The following ASIC2 variants were observed in gnomAD, a reference collection of about 807,000 sequenced individuals.
The protein encoded by ASIC2 is acid sensing ion channel subunit 2.
Under a neutral mutation model 57.3 loss-of-function variants are expected in ASIC2, and 25 were observed. The ratio of observed to expected loss-of-function variants is 0.44; its 90% CI spans 0.32 to 0.61. The LOEUF (loss-of-function observed/expected upper bound fraction) is 0.61. ASIC2 is among the 20% of genes least tolerant of loss of function. The probability of loss-of-function intolerance (pLI) is 0.06; values close to 1 mark genes in which losing one functional copy is unlikely to be tolerated. For missense variants in ASIC2, 641 were observed against 738.1 expected, an observed-to-expected ratio of 0.87 and a Z score of 1.52; for synonymous variants, 319 against 307.5, an observed-to-expected ratio of 1.04 and a Z score of -0.39.
intron 1 of ASIC2, among the ~76,000 whole-genome samples, chr17:33,958,896 C>T (rs1904830284): frequency 6.6e-6 from 1 of 152,170 alleles, no homozygotes; most frequent in Non-Finnish European, 1.5e-5. Flanking sequence ...CTCTCCAGTG[C>T]TTTGCTGCTT....
At position 34,132,371 on chromosome 17, in the gene ASIC2, G is replaced by A. The variant is rs561306141; in HGVS notation, c.555+23607C>T. 2.6e-5 allele frequency among the ~76,000 whole-genome samples: 4 copies of A among 152,306 alleles called. No individual in the cohort carries two copies. The East Asian group carries it at 5.8e-4, about 22-fold the overall frequency. On this transcript the variant is annotated intron_variant, in intron 1 of 9. Coordinates refer to the ASIC2 transcript ENST00000359872. ...AAAGCTTCCACAGCGTGGAAGGACA[G>A]GTAGACGGGTTGCGGCTGCTGGCTG...
At chr17:33,210,458 T>C (rs759101058) in intron 1 of ASIC2, among the ~76,000 whole-genome samples, 3 of 152,176 alleles carry the variant, frequency 2.0e-5, no homozygotes, top group Non-Finnish European at 4.4e-5. Flanking sequence ...AAACTCTCCA[T>C]CTGCACTCTC....
intron 1 of ASIC2, among the ~76,000 whole-genome samples, chr17:33,784,692 C>T (rs1911552539): frequency 6.6e-6 from 1 of 152,068 alleles, no homozygotes; most frequent in Non-Finnish European, 1.5e-5. Context: ...AGTCCAAAAT[C>T]TGGTTTGTAT....
At chr17:34,087,869 G>C (rs986042774) in intron 1 of ASIC2, among the ~76,000 whole-genome samples, 11 of 152,030 alleles carry the variant, frequency 7.2e-5, no homozygotes, top group Admixed American at 2.0e-4. Context: ...CATAGTTCTC[G>C]AGCCTTGGCT....
intron 1 of ASIC2, chr17:33,680,852 T>G (rs1907978764): frequency 6.6e-6 from 1 of 152,234 alleles, no homozygotes; most frequent in Admixed American, 6.5e-5. Flanking sequence ...TTGGTTGCAT[T>G]TTCTCCTTCT....
rs548706301 is a variant in ASIC2 at position 33,078,705 on chromosome 17, A to C, written c.987+10158T>G. Among the ~76,000 whole-genome samples, 5 of 152,266 alleles carry C rather than the reference A, an allele frequency of 3.3e-5. No individual in the cohort carries two copies. The East Asian group carries it at 9.6e-4, about 29-fold the overall frequency. On this transcript the variant is annotated intron_variant, in intron 3 of 9. Coordinates refer to ENST00000225823, the MANE Select transcript of ASIC2 (RefSeq NM_183377.2). ...AGCTTCCCAAAGTGCTAGGATTATA[A>C]GTATGAGCCACCACACCCAGCCAGC...
intron 1 of ASIC2, among the ~76,000 whole-genome samples, chr17:33,798,196 G>A (rs1720567118): frequency 6.6e-6 from 1 of 152,176 alleles, no homozygotes; most frequent in Non-Finnish European, 1.5e-5. Flanking sequence ...AATTGAAAAG[G>A]GCAAGAAAGT....
intron 1 of ASIC2, among the ~76,000 whole-genome samples, chr17:33,856,052 GA>G (rs1680527433): frequency 6.6e-6 from 1 of 152,042 alleles, no homozygotes; most frequent in Non-Finnish European, 1.5e-5. Context: ...GAGGAAGAGA[GA>G]AAAAAGTAAG....
chr17:33,050,758 T>C (rs933649106), intron 3 of ASIC2, among the ~76,000 whole-genome samples: 2 of 152,064 alleles, frequency 1.3e-5, no homozygotes, highest in African/African-American at 4.8e-5. Context: ...TTGAGATTGT[T>C]CCATGGACCA....
chr17:33,551,468 C>T (rs1426061658), intron 1 of ASIC2, among the ~76,000 whole-genome samples: 3 of 152,184 alleles, frequency 2.0e-5, no homozygotes, highest in Non-Finnish European at 4.4e-5. Context: ...CAAAAAACTG[C>T]TACCTTCGTC....
intron 1 of ASIC2, among the ~76,000 whole-genome samples, chr17:33,260,053 G>A (rs1206201579): frequency 6.6e-6 from 1 of 152,200 alleles, no homozygotes; most frequent in Non-Finnish European, 1.5e-5. Context: ...TAGGAGGATT[G>A]CTTGAGCCCA....
At chr17:33,334,294 G>C (rs1171380725) in intron 1 of ASIC2, among the ~76,000 whole-genome samples, 1 of 152,160 alleles carries the variant, frequency 6.6e-6, no homozygotes, top group Non-Finnish European at 1.5e-5. Context: ...TGAAACTGAG[G>C]CTCAGAGAGG....
At chr17:33,290,261 C>T in intron 1 of ASIC2, among the ~76,000 whole-genome samples, 1 of 152,236 alleles carries the variant, frequency 6.6e-6, no homozygotes, top group Non-Finnish European at 1.5e-5. Flanking sequence ...GGAACCGTGG[C>T]ATCTCTTTAC....
chr17:33,026,909 T>C (rs2091861501), intron 4 of ASIC2, among the ~76,000 whole-genome samples: 1 of 152,206 alleles, frequency 6.6e-6, no homozygotes. Context: ...TTAAATGACA[T>C]GTTTCCCTGT....
chr17:33,839,562 G>A (rs868410688), intron 1 of ASIC2, among the ~76,000 whole-genome samples: 15 of 152,060 alleles, frequency 9.9e-5, no homozygotes, highest in East Asian at 3.8e-4. Context: ...TTGATTGCTC[G>A]CTCTAGGGTG....
At chr17:34,059,455 G>A (rs1220723221) in intron 1 of ASIC2, among the ~76,000 whole-genome samples, 2 of 152,216 alleles carry the variant, frequency 1.3e-5, no homozygotes, top group African/African-American at 4.8e-5. Context: ...CTCTAGCTGA[G>A]CTTTTTAACA....
At position 33,896,602 on chromosome 17, in the gene ASIC2, C is replaced by T. The variant is rs540213865; in HGVS notation, c.555+259376G>A. Among the ~76,000 whole-genome samples the T allele has an allele frequency of 2.0e-3, 304 of 152,334 alleles. 2 individuals are homozygous for T. Among genetic ancestry groups the T allele is most frequent in the South Asian group, 0.018 (87 of 4,824 alleles). On this transcript the variant is annotated intron_variant, in intron 1 of 9. Transcript: ENST00000359872. ...AGGATGCATTAGCCCAATGGCCTGG[C>T]TCCTATCGGGGGCTGTCTGTAGCTT...
At chr17:33,443,010 T>G (rs1349868030) in intron 1 of ASIC2, among the ~76,000 whole-genome samples, 2 of 152,246 alleles carry the variant, frequency 1.3e-5, no homozygotes, top group Non-Finnish European at 2.9e-5. Flanking sequence ...TATGAAATGT[T>G]TTTTTCTGCA....
intron 1 of ASIC2, among the ~76,000 whole-genome samples, chr17:33,859,158 C>T (rs1394652010): frequency 6.6e-6 from 1 of 152,124 alleles, no homozygotes. Context: ...AGCAAACTAG[C>T]TATAAAAATA....
Sources: gnomAD v4.1 joint callset for allele counts (sites outside exome capture counted in the v4.1 genomes callset) on GRCh38, gnomAD v4.1.1 for gene constraint, MANE v1.5 for transcripts, NCBI Gene and HGNC (gene_info 2026-07-23, HGNC 2026-07-21) for gene names.